The following LRRC4C variants were observed in gnomAD, a reference collection of about 807,000 sequenced individuals.
LRRC4C encodes the protein leucine-rich repeat-containing protein 4C.
A neutral mutation model predicts 33.6 loss-of-function variants in LRRC4C; 5 were observed. The observed-to-expected ratio is 0.15, with a 90% confidence interval of 0.08 to 0.31. LRRC4C has a LOEUF of 0.31. LRRC4C is among the 10% of genes least tolerant of loss of function. LRRC4C has a pLI of 1.00. For synonymous variants in LRRC4C, 329 were observed against 302.0 expected (o/e 1.09, Z -0.93); for missense variants, 560 against 796.7 (o/e 0.70, Z 3.58).
chr11:41,187,345 G>T (rs1214483302), intron 1 of LRRC4C, among the ~76,000 whole-genome samples: 1 of 152,160 alleles, frequency 6.6e-6, no homozygotes, highest in South Asian at 2.1e-4. Context: ...TGGCAGAAGA[G>T]GACACAAGTA....
chr11:41,101,034 C>T (rs1233855211), intron 1 of LRRC4C, among the ~76,000 whole-genome samples: 5 of 152,062 alleles, frequency 3.3e-5, no homozygotes, highest in Admixed American at 3.3e-4. Context: ...AATATAACAC[C>T]TAAAACCATA....
intron 1 of LRRC4C, among the ~76,000 whole-genome samples, chr11:41,211,635 C>T (rs1381778830): frequency 7.2e-5 from 11 of 152,132 alleles, no homozygotes; most frequent in Non-Finnish European, 1.0e-4. Context: ...CAGCTTCACC[C>T]GTGTCCCTAC....
At chr11:40,215,763 C>A (rs961154460) in intron 5 of LRRC4C, among the ~76,000 whole-genome samples, 1 of 152,090 alleles carries the variant, frequency 6.6e-6, no homozygotes, top group African/African-American at 2.4e-5. Context: ...AGAGTGCAAA[C>A]ACAAAGGCAG....
chr11:40,196,037 T>C (rs962426182), intron 5 of LRRC4C, among the ~76,000 whole-genome samples: 2 of 152,188 alleles, frequency 1.3e-5, no homozygotes, highest in Non-Finnish European at 2.9e-5. Context: ...CTTAAAGAAT[T>C]CTGCATTTTT....
chr11:41,026,742 C>CA (rs1034873034), intron 1 of LRRC4C, among the ~76,000 whole-genome samples: 1 of 150,848 alleles, frequency 6.6e-6, no homozygotes, highest in Middle Eastern at 3.2e-3. Flanking sequence ...CCCTCCACTA[C>CA]AAAAAAAGAT....
At chr11:40,953,094 T>G (rs1457957277) in intron 1 of LRRC4C, among the ~76,000 whole-genome samples, 1 of 151,880 alleles carries the variant, frequency 6.6e-6, no homozygotes, top group East Asian at 1.9e-4. Flanking sequence ...CTCTAAAATG[T>G]TTCTTCCTTA....
chr11:40,399,973 A>G (rs1949698895), intron 3 of LRRC4C, among the ~76,000 whole-genome samples: 2 of 152,136 alleles, frequency 1.3e-5, no homozygotes, highest in Admixed American at 6.6e-5. Context: ...AGGACAAAAT[A>G]AAGACCAGTA....
chr11:40,250,716 G>T (rs1866724417), intron 4 of LRRC4C, among the ~76,000 whole-genome samples: 1 of 152,024 alleles, frequency 6.6e-6, no homozygotes, highest in South Asian at 2.1e-4. Flanking sequence ...TCCAGCCTGG[G>T]TGACAGAGTG....
chr11:40,877,013 T>C (rs4756620), intron 2 of LRRC4C, among the ~76,000 whole-genome samples: 145,069 of 152,056 alleles, frequency 0.95, 69,569 homozygotes, highest in East Asian at 1. Flanking sequence ...GAGAAGATGA[T>C]GTGTATGCTC....
chr11:40,502,385 G>A (rs1954820557), intron 3 of LRRC4C, among the ~76,000 whole-genome samples: 1 of 152,110 alleles, frequency 6.6e-6, no homozygotes, highest in Non-Finnish European at 1.5e-5. Flanking sequence ...TCATGCTGCT[G>A]ATAAAGACAT....
At chr11:40,300,495 C>T (rs952455099) in intron 4 of LRRC4C, among the ~76,000 whole-genome samples, 4 of 152,182 alleles carry the variant, frequency 2.6e-5, no homozygotes, top group Non-Finnish European at 4.4e-5. Flanking sequence ...TTGAAGTGAT[C>T]AACTATTAGA....
At chr11:40,144,139 T>G (rs1857558950) in intron 5 of LRRC4C, among the ~76,000 whole-genome samples, 1 of 152,200 alleles carries the variant, frequency 6.6e-6, no homozygotes, top group Admixed American at 6.5e-5. Flanking sequence ...GTGATAATAA[T>G]AGAGTCAACT....
intron 1 of LRRC4C, among the ~76,000 whole-genome samples, chr11:41,397,155 C>G (rs969444792): frequency 1.3e-5 from 2 of 151,962 alleles, no homozygotes; most frequent in African/African-American, 4.8e-5. Flanking sequence ...TATTTTGAAC[C>G]ATAAAGCAGT....
intron 1 of LRRC4C, among the ~76,000 whole-genome samples, chr11:41,025,267 T>G (rs777766263): frequency 5.9e-5 from 9 of 151,602 alleles, no homozygotes; most frequent in Non-Finnish European, 1.3e-4. Flanking sequence ...CCAAGATAGA[T>G]ATGTTAAAAG....
intron 1 of LRRC4C, among the ~76,000 whole-genome samples, chr11:41,135,917 C>A (rs1409990688): frequency 6.6e-6 from 1 of 152,188 alleles, no homozygotes; most frequent in Non-Finnish European, 1.5e-5. Flanking sequence ...AGATCTGGTT[C>A]CATGAGTGCA....
At chr11:40,534,258 C>T (rs898253423) in intron 3 of LRRC4C, among the ~76,000 whole-genome samples, 21 of 150,322 alleles carry the variant, frequency 1.4e-4, no homozygotes, top group Non-Finnish European at 2.2e-4. Context: ...ACCATTGTTA[C>T]TATAATTACC....
intron 1 of LRRC4C, among the ~76,000 whole-genome samples, chr11:40,934,098 C>T (rs1465548837): frequency 6.6e-6 from 1 of 152,120 alleles, no homozygotes; most frequent in East Asian, 1.9e-4. Context: ...GAGTTTATTC[C>T]TTGTTTAAAC....
At chr11:41,188,907 C>A (rs1304818556) in intron 1 of LRRC4C, among the ~76,000 whole-genome samples, 2 of 135,876 alleles carry the variant, frequency 1.5e-5, no homozygotes, top group African/African-American at 2.6e-5. Context: ...ACCTGCCCCC[C>A]CCCCCAAAAA....
intron 1 of LRRC4C, among the ~76,000 whole-genome samples, chr11:41,407,097 T>A (rs1954270648): frequency 6.6e-6 from 1 of 152,162 alleles, no homozygotes; most frequent in Non-Finnish European, 1.5e-5. Context: ...TGCATATATG[T>A]GAATGGGTCT....
Sources: gnomAD v4.1 joint callset for allele counts (sites outside exome capture counted in the v4.1 genomes callset) on GRCh38, gnomAD v4.1.1 for gene constraint, MANE v1.5 for transcripts, NCBI Gene and HGNC (gene_info 2026-07-23, HGNC 2026-07-21) for gene names.